Variants in INPP5E observed in about 807,000 individuals in gnomAD.
INPP5E encodes phosphatidylinositol polyphosphate 5-phosphatase type IV.
INPP5E carries 34 observed loss-of-function variants against 50.5 expected under a neutral mutation model. The ratio of observed to expected loss-of-function variants is 0.67; its 90% CI spans 0.51 to 0.90. The LOEUF (loss-of-function observed/expected upper bound fraction) is 0.90. Ranked by LOEUF, INPP5E falls within the 40% of genes least tolerant of loss-of-function variation. The pLI is 0.00. For synonymous variants in INPP5E, 447 were observed against 406.0 expected, an observed-to-expected ratio of 1.10 and a Z score of -1.21; for missense variants, 942 against 905.5, an observed-to-expected ratio of 1.04 and a Z score of -0.52.
intron 9 of INPP5E, 138 bp from the exon 10 acceptor site, chr9:136,429,945 C>T (rs1835660221): frequency 1.1e-5 from 8 of 724,004 alleles, no homozygotes; most frequent in Admixed American, 2.1e-5. Context: ...GGGCACTGGC[C>T]CAGATTGGCC....
At position 136,433,824 on chromosome 9, in the gene INPP5E, G is replaced by A. The variant is rs1237875734; in HGVS notation, c.1034+213C>T. 2.0e-5 allele frequency among the ~76,000 whole-genome samples: 3 copies of A among 152,150 alleles called. No individual in the cohort carries two copies. In the South Asian group the frequency reaches 6.2e-4, roughly 31 times the overall value. ...GCCCGGCCGCCACCCGGGTCTCAGC[G>A]CCCAGCAGCTTCAGAGACGGCAGCC... On this transcript the variant is annotated intron_variant, in intron 3 of 9. Transcript: ENST00000371712.
intron 9 of INPP5E, among the ~76,000 whole-genome samples, 185 bp downstream of exon 9, chr9:136,430,092 G>C (rs1412116067): frequency 1.3e-5 from 2 of 152,146 alleles, no homozygotes; most frequent in Non-Finnish European, 2.9e-5. Context: ...TCACTTTCCA[G>C]AGCCTCTCCC....
rs751533117 is a variant in INPP5E at position 136,439,176 on chromosome 9, G to C, written c.244C>G (p.Arg82Gly). 2 of 1,558,768 alleles carry C rather than the reference G, an allele frequency of 1.3e-6. No homozygotes were observed. The highest frequency in any genetic ancestry group is 2.3e-5 in the South Asian group (2 of 85,898). Reference sequence around the variant, plus strand: ...CCCTTGTCGTCCAGGGACAGGGCTCGCTCCAGTCGAGGCCTGGCGGGGGGC... The same window carrying C: ...CCCTTGTCGTCCAGGGACAGGGCTCCCTCCAGTCGAGGCCTGGCGGGGGGC... Reference protein sequence around the residue: ...PRPPARPRLERALSLDDKGWR... With the variant: ...PRPPARPRLEGALSLDDKGWR... Residue 82 changes from arginine (R) to glycine (G), a missense_variant, in exon 1 of 10, where the codon CGA becomes GGA. By Grantham distance (125) the Arg-to-Gly change is moderately radical. Coordinates refer to ENST00000371712, the MANE Select transcript of INPP5E (RefSeq NM_019892.6).
chr9:136,439,364 T>C lies in INPP5E; in HGVS notation c.56A>G (p.Glu19Gly). ...AAGCTGTCCTTGGAGCGTCCTCCCT[T>C]CCGGCGGCTGCGGGGCCGGCTCGGA... ...RPSEPAPQPP[E>G]GRTLQGQLPG... Residue 19 changes from glutamate to glycine, a missense_variant, in exon 1 of 10, where the codon GAA (glutamate) becomes GGA (glycine). Physicochemically the swap from Glu to Gly is moderately conservative, Grantham distance 98. Transcript: ENST00000371712. The C allele has an allele frequency of 6.9e-7, 1 of 1,452,416 alleles. No individual in the cohort carries two copies. The highest frequency in any genetic ancestry group is 9.0e-7 in the Non-Finnish European group (1 of 1,108,642). The allele number at this position is 1,452,416 out of a possible 1,614,324, so 90.0% of individuals were successfully genotyped here.
intron 1 of INPP5E, among the ~76,000 whole-genome samples, chr9:136,435,094 G>A (rs1264469902): frequency 1.3e-5 from 2 of 152,192 alleles, no homozygotes; most frequent in Non-Finnish European, 2.9e-5. Context: ...CCTACCTCCC[G>A]GGAAGAGGCA....
Position 136,429,949 on chromosome 9 carries a change from A to G in INPP5E, c.1803-142T>C, listed in dbSNP as rs927187221. Reference sequence around the variant, plus strand: ...GGCTGTTAGGTGGGCACTGGCCCAGATTGGCCCTGCCTCTAAGCACACGGA... The same window carrying G: ...GGCTGTTAGGTGGGCACTGGCCCAGGTTGGCCCTGCCTCTAAGCACACGGA... On this transcript the variant is annotated intron_variant, in intron 9 of 9. Coordinates refer to ENST00000371712, the MANE Select transcript of INPP5E (RefSeq NM_019892.6). 1.8e-5 allele frequency: 13 copies of G among 722,478 alleles called. No homozygotes were observed. In the Admixed American group the frequency reaches 2.7e-4, roughly 15 times the overall value. 44.8% of individuals were successfully genotyped at this position (722,478 alleles called of 1,614,324 possible).
At position 136,439,177 on chromosome 9, in the gene INPP5E, C is replaced by A; in HGVS notation, c.243G>T (p.Glu81Asp). ...APRPPARPRL[E>D]RALSLDDKGW... ...CCTTGTCGTCCAGGGACAGGGCTCG[C>A]TCCAGTCGAGGCCTGGCGGGGGGCC... is the stretch of plus-strand genomic sequence containing the variant. The change falls in exon 1 of 10, where the codon GAG becomes GAT. Residue 81 changes from glutamate to aspartate, a missense_variant. Physicochemically the swap from Glu to Asp is conservative, Grantham distance 45. Coordinates refer to ENST00000371712, the MANE Select transcript of INPP5E (RefSeq NM_019892.6). 6.4e-7 allele frequency: 1 copy of A among 1,558,336 alleles called. No homozygotes were observed. The highest frequency in any genetic ancestry group is 8.6e-7 in the Non-Finnish European group (1 of 1,157,588).
At position 136,439,176 on chromosome 9, in the gene INPP5E, G is replaced by T; in HGVS notation, c.244C>A (p.Arg82=). 6.4e-7 allele frequency: 1 copy of T among 1,558,768 alleles called. No individual in the cohort carries two copies. The part of the protein sequence containing the change: ...PRPPARPRLE[R]ALSLDDKGWR... ...CCCTTGTCGTCCAGGGACAGGGCTC[G>T]CTCCAGTCGAGGCCTGGCGGGGGGC... Residue 82 remains arginine, a synonymous_variant, in exon 1 of 10, where the codon CGA becomes AGA. Coordinates refer to ENST00000371712, the MANE Select transcript of INPP5E (RefSeq NM_019892.6).
At position 136,428,903 on chromosome 9, in the gene INPP5E, G is replaced by A. The variant is rs1487965981; in HGVS notation, c.*772C>T. 1 of 152,512 alleles carries A rather than the reference G, an allele frequency of 6.6e-6. No individual in the cohort carries two copies. The highest frequency in any genetic ancestry group is 1.5e-5 in the Non-Finnish European group (1 of 68,194). The allele number at this position is 152,512 out of a possible 1,614,324, so 9.4% of individuals were successfully genotyped here. A position where few individuals can be genotyped will look rare whatever the true frequency, so the allele number is the denominator to read the frequency against. On this transcript the variant is annotated 3_prime_UTR_variant, in exon 10 of 10. Coordinates refer to ENST00000371712, the MANE Select transcript of INPP5E (RefSeq NM_019892.6). Reference sequence around the variant, plus strand: ...TCATTCCGCGGCTGGAGTTAAAGAAGCAAACGGTCTACGTCACCAAGACCA... The same window carrying A: ...TCATTCCGCGGCTGGAGTTAAAGAAACAAACGGTCTACGTCACCAAGACCA...
At chr9:136,436,002 G>C (rs1295806784) in intron 1 of INPP5E, 1 of 152,240 alleles carries the variant, frequency 6.6e-6, no homozygotes, top group Non-Finnish European at 1.5e-5. Context: ...AGTAACACTT[G>C]TGCGGCTCCT....
In INPP5E at chr9:136,432,957, G is replaced by A. The variant is rs375792698; in HGVS notation, c.1278C>T (p.Thr426=). Residue 426 remains threonine (T), a splice_region_variant and synonymous_variant, in exon 5 of 10, where the codon ACC becomes ACT. Transcript: ENST00000371712. ...TSFLFITSHF[T]SGDGKVAERL... ...CGGTGCGGGCACCAAGCAACTTACA[G>A]GTGAAGTGGGACGTGATGAAGAGGA... 3 of 1,612,820 alleles carry A rather than the reference G, an allele frequency of 1.9e-6. No homozygotes were observed. The highest frequency in any genetic ancestry group is 2.5e-6 in the Non-Finnish European group (3 of 1,179,666).
Position 136,431,806 on chromosome 9 carries a change from G to A in INPP5E, c.1549+18C>T, listed in dbSNP as rs372446887. The A allele has an allele frequency of 4.9e-4, 581 of 1,194,998 alleles. 4 individuals carry two copies. Among genetic ancestry groups the A allele is most frequent in the Non-Finnish European group, 6.2e-4 (542 of 880,572 alleles). The allele number at this position is 1,194,998 out of a possible 1,614,324, so 74.0% of individuals were successfully genotyped here. A position where few individuals can be genotyped will look rare whatever the true frequency, so the allele number is the denominator to read the frequency against. On this transcript the variant is annotated intron_variant, in intron 7 of 9. Coordinates refer to ENST00000371712, the MANE Select transcript of INPP5E (RefSeq NM_019892.6). The stretch of plus-strand genomic sequence containing the variant: ...CCTCTCCTCATCTCCCTCCATGCCC[G>A]CCCCCCCAGGCCCTCACCTTTCCGC...
Position 136,438,732 on chromosome 9 carries a change from C to T in INPP5E, c.688G>A (p.Ala230Thr), listed in dbSNP as rs1442380202. 1.2e-6 allele frequency: 2 copies of T among 1,610,428 alleles called. No homozygotes were observed. The highest frequency in any genetic ancestry group is 1.3e-5 in the African/African-American group (1 of 75,000). Reference sequence around the variant, plus strand: ...CGGCCGGGGCCCAGGCTGCTGTGGGCCCGCACCAGGAGCGGCTGCGCGCGG... The same window carrying T: ...CGGCCGGGGCCCAGGCTGCTGTGGGTCCGCACCAGGAGCGGCTGCGCGCGG... ...KLRAQPLLVR[A>T]HSSLGPGRPR... Residue 230 changes from alanine (A) to threonine (T), a missense_variant, in exon 1 of 10, where the codon GCC becomes ACC. Coordinates refer to ENST00000371712, the MANE Select transcript of INPP5E (RefSeq NM_019892.6).
rs1248746719 is a variant in INPP5E, at chr9:136,432,979, A to T, written c.1256T>A (p.Leu419His). The T allele has an allele frequency of 1.2e-6, 2 of 1,613,458 alleles. No homozygotes were observed. The highest frequency in any genetic ancestry group is 1.1e-5 in the South Asian group (1 of 91,044). Residue 419 changes from leucine to histidine, a missense_variant, in exon 5 of 10, where the codon CTC (leucine) becomes CAC (histidine). Physicochemically the swap from Leu to His is moderately conservative, Grantham distance 99. Coordinates refer to ENST00000371712, the MANE Select transcript of INPP5E (RefSeq NM_019892.6). Reference sequence around the variant, plus strand: ...ACAGGTGAAGTGGGACGTGATGAAGAGGAAGGAAGTGCCAAAAAAGGTGAA... The same window carrying T: ...ACAGGTGAAGTGGGACGTGATGAAGTGGAAGGAAGTGCCAAAAAAGGTGAA... ...ISFTFFGTSF[L>H]FITSHFTSGD... is the part of the protein sequence containing the mutation.
At position 136,438,943 on chromosome 9, in the gene INPP5E, G is replaced by C; in HGVS notation, c.477C>G (p.Asn159Lys). The C allele has an allele frequency of 6.4e-7, 1 of 1,569,064 alleles. No homozygotes were observed. Among genetic ancestry groups the C allele is most frequent in the Non-Finnish European group, 8.6e-7 (1 of 1,157,424 alleles). ...SERGSPSSGGNPLSGVASSSP... is the reference protein window; with the variant it reads ...SERGSPSSGGKPLSGVASSSP... Reference sequence around the variant, plus strand: ...AGCTGCTGGCCACCCCAGAGAGAGGGTTACCCCCCGAGGACGGGCTCCCTC... The same window carrying C: ...AGCTGCTGGCCACCCCAGAGAGAGGCTTACCCCCCGAGGACGGGCTCCCTC... The change falls in exon 1 of 10, where the codon AAC becomes AAG. Residue 159 changes from asparagine to lysine, a missense_variant. By Grantham distance (94) the Asn-to-Lys change is moderately conservative. Transcript: ENST00000371712.
In INPP5E at chr9:136,430,363, G is replaced by A. The variant is rs888610698; in HGVS notation, c.1716C>T (p.Ser572=). ...SRHKGDICPV[S]YSSCPGIKTS... The stretch of plus-strand genomic sequence containing the variant: ...TCTTGATCCCGGGGCAGGAAGAGTA[G>A]CTCACAGGACAGATGTCACCCTTGT... The change falls in exon 9 of 10, where the codon AGC becomes AGT. Residue 572 remains serine, a synonymous_variant. Coordinates refer to ENST00000371712, the MANE Select transcript of INPP5E (RefSeq NM_019892.6). The A allele has an allele frequency of 4.5e-6, 7 of 1,555,908 alleles. No homozygotes were observed. Among genetic ancestry groups the A allele is most frequent in the African/African-American group, 1.4e-5 (1 of 73,568 alleles).
chr9:136,434,603 G>T, intron 2 of INPP5E, 137 bp downstream of exon 2: 2 of 1,191,896 alleles, frequency 1.7e-6, no homozygotes, highest in Non-Finnish European at 2.4e-6. Flanking sequence ...CCTGTACTGC[G>T]GTTAGCAGTG....
chr9:136,438,279 A>T (rs368389034), intron 1 of INPP5E: 4 of 407,896 alleles, frequency 9.8e-6, no homozygotes, highest in African/African-American at 8.1e-5. Flanking sequence ...AAACAAAAAC[A>T]ACCAAAGGGG....
intron 1 of INPP5E, chr9:136,436,942 G>A (rs1835844842): frequency 6.6e-6 from 1 of 152,198 alleles, no homozygotes; most frequent in African/African-American, 2.4e-5. Flanking sequence ...TGACTTGAGG[G>A]TCCAAATTTG....
Sources: allele counts gnomAD v4.1 joint callset (sites outside exome capture counted in the v4.1 genomes callset), GRCh38; gene constraint gnomAD v4.1.1; transcripts MANE v1.5; gene names NCBI Gene and HGNC (gene_info 2026-07-23, HGNC 2026-07-21).